The following GATB variants were observed in gnomAD, a reference collection of about 807,000 sequenced individuals.
The protein encoded by GATB is glutamyl-tRNA amidotransferase subunit B.
A neutral mutation model predicts 62.3 loss-of-function variants in GATB; 39 were observed. The ratio of observed to expected loss-of-function variants is 0.63; its 90% CI spans 0.48 to 0.82. The LOEUF is 0.82. Among genes scored for constraint, GATB ranks in the 40% least tolerant of loss-of-function variants. The pLI is 0.00. For synonymous variants in GATB, 276 were observed against 258.9 expected (o/e 1.07, Z -0.63); for missense variants, 670 against 684.0 (o/e 0.98, Z 0.23).
chr4:151,673,594 G>C (rs1205439446), intron 11 of GATB: 1 of 151,958 alleles, frequency 6.6e-6, no homozygotes, highest in Non-Finnish European at 1.5e-5. Context: ...AATCAGACTA[G>C]GATAATGAAC....
In GATB at chr4:151,760,894, G is replaced by T. The variant is rs11556167; in HGVS notation, c.89C>A (p.Ala30Asp). 183,365 of 1,613,696 alleles carry T rather than the reference G, an allele frequency of 0.11. 11,589 individuals carry two copies. The highest frequency in any genetic ancestry group is 0.24 in the African/African-American group (18,156 of 74,988). ...CTGGTTGGATGTGGACCCAGTCGGAGCCCCTCTTCGGTGGCAAGAACCACC... is the reference window on the plus strand; with the variant it reads ...CTGGTTGGATGTGGACCCAGTCGGATCCCCTCTTCGGTGGCAAGAACCACC... ...VDGGSCHRRG[A>D]PTGSTSNQIR... The change falls in exon 1 of 13, where the codon GCT becomes GAT. Residue 30 changes from alanine (A) to aspartate (D), a missense_variant. By Grantham distance (126) the Ala-to-Asp change is moderately radical (BLOSUM62 -2). Coordinates refer to ENST00000263985, the MANE Select transcript of GATB (RefSeq NM_004564.3).
intron 2 of GATB, chr4:151,722,187 G>C (rs1739045292): frequency 1.4e-6 from 1 of 702,030 alleles, no homozygotes; most frequent in Admixed American, 2.0e-5. Context: ...GATACAGAAT[G>C]GGAAAATTCA....
intron 2 of GATB, among the ~76,000 whole-genome samples, chr4:151,744,825 A>G (rs1054377048): frequency 1.3e-5 from 2 of 152,208 alleles, no homozygotes; most frequent in Non-Finnish European, 2.9e-5. Context: ...CATCATTGTC[A>G]TGAGTCACTG....
rs772133016 is a variant in GATB, at chr4:151,688,697, C to G, written c.1264G>C (p.Val422Leu). The G allele has an allele frequency of 1.2e-6, 2 of 1,613,474 alleles. No homozygotes were observed. Among genetic ancestry groups the G allele is most frequent in the African/African-American group, 2.7e-5 (2 of 74,816 alleles). The change falls in exon 10 of 13, where the codon GTG becomes CTG. Residue 422 changes from valine (V) to leucine (L), a missense_variant. By Grantham distance (32) the Val-to-Leu change is conservative. Transcript: ENST00000263985. ...AAAGTGTTGAGGACCCAACTAGTCA[C>G]CTTTTTTGGCTCTGCCCTAGTTTCT... ...IKETRAEPKK[V>L]TSWVLNTFLG...
In GATB at chr4:151,760,956, G is replaced by A. The variant is rs1407897364; in HGVS notation, c.27C>T (p.Gly9=). ...CGAAAGCCCAACGTCTTCCACGGCAGCCCCAGCGCAGCATGGGCGCCGCCA... is the reference window on the plus strand; with the variant it reads ...CGAAAGCCCAACGTCTTCCACGGCAACCCCAGCGCAGCATGGGCGCCGCCA... MAAPMLRW[G]CRGRRWAFAR... The change falls in exon 1 of 13, where the codon GGC becomes GGT. Residue 9 remains glycine (G), a synonymous_variant. Transcript: ENST00000263985. 1 of 1,612,872 alleles carries A rather than the reference G, an allele frequency of 6.2e-7. No individual in the cohort carries two copies. The highest frequency in any genetic ancestry group is 8.5e-7 in the Non-Finnish European group (1 of 1,179,680).
intron 9 of GATB, among the ~76,000 whole-genome samples, chr4:151,700,035 G>T (rs1738567689): frequency 6.6e-6 from 1 of 152,180 alleles, no homozygotes; most frequent in South Asian, 2.1e-4. Flanking sequence ...TTTCAAGTAG[G>T]TTGGAAACTC....
At chr4:151,739,129 T>C (rs1739433430) in intron 2 of GATB, among the ~76,000 whole-genome samples, 1 of 152,264 alleles carries the variant, frequency 6.6e-6, no homozygotes, top group Non-Finnish European at 1.5e-5. Flanking sequence ...TTCTTGCTTC[T>C]ATAATTGTAA....
At chr4:151,742,220 C>G (rs1198357966) in intron 2 of GATB, among the ~76,000 whole-genome samples, 2 of 152,012 alleles carry the variant, frequency 1.3e-5, no homozygotes, top group African/African-American at 4.8e-5. Flanking sequence ...TCCTGAGTAG[C>G]TGGGACTACA....
rs1218787823 is a variant in GATB at position 151,684,885 on chromosome 4, C to T, written c.1331+3745G>A. Among the ~76,000 whole-genome samples the T allele has an allele frequency of 2.6e-5, 4 of 152,194 alleles. No homozygotes were observed. In the East Asian group the frequency reaches 7.7e-4, roughly 29 times the overall value. On this transcript the variant is annotated intron_variant, in intron 10 of 12. Coordinates refer to ENST00000263985, the MANE Select transcript of GATB (RefSeq NM_004564.3). ...AGGTCCACTCAACAGGCTAATTTAT[C>T]TCTCAGCTCCTTTAGAGGCCACCAA... is the stretch of plus-strand genomic sequence containing the variant.
chr4:151,716,873 T>C lies in GATB; in HGVS notation c.640+3A>G. ...AGAAATAATGAAAACACTCCAAGCC[T>C]ACCTGCCCTGTTCAAATCAATGAGC... On this transcript the variant is annotated splice_donor_region_variant and intron_variant, in intron 4 of 12. Transcript: ENST00000263985. 1 of 1,613,908 alleles carries C rather than the reference T, an allele frequency of 6.2e-7. No homozygotes were observed. The highest frequency in any genetic ancestry group is 1.7e-5 in the Admixed American group (1 of 60,020).
At chr4:151,690,622 T>G (rs190507201) in intron 9 of GATB, among the ~76,000 whole-genome samples, 1 of 152,346 alleles carries the variant, frequency 6.6e-6, no homozygotes, top group East Asian at 1.9e-4. Context: ...GTTTTCTAAA[T>G]CCACCTAGAA....
At position 151,716,899 on chromosome 4, in the gene GATB, G is replaced by A. The variant is rs368902882; in HGVS notation, c.617C>T (p.Thr206Met). The change falls in exon 4 of 13, where the codon ACG becomes ATG. Residue 206 changes from threonine (T) to methionine (M), a missense_variant. Thr to Met is a moderately conservative substitution (Grantham distance 81). Coordinates refer to ENST00000263985, the MANE Select transcript of GATB (RefSeq NM_004564.3). ...ACCTGCCCTGTTCAAATCAATGAGC[G>A]TCTGAGACCTCAGGTTGTCGTGGAG... ...KSLHDNLRSQ[T>M]LIDLNRAGVG... 3.8e-5 allele frequency: 61 copies of A among 1,614,088 alleles called. No homozygotes were observed. The highest frequency in any genetic ancestry group is 2.2e-4 in the East Asian group (10 of 44,902).
chr4:151,746,817 G>A (rs1321756924), intron 2 of GATB, among the ~76,000 whole-genome samples: 1 of 152,190 alleles, frequency 6.6e-6, no homozygotes, highest in Non-Finnish European at 1.5e-5. Context: ...GGGAGATGGA[G>A]GCAGGAGGCA....
chr4:151,696,163 TA>T (rs1738466140), intron 9 of GATB, among the ~76,000 whole-genome samples: 1 of 152,140 alleles, frequency 6.6e-6, no homozygotes, highest in Non-Finnish European at 1.5e-5. Flanking sequence ...GAGGACGGCT[TA>T]TATTACTTTT....
intron 11 of GATB, chr4:151,675,482 G>A (rs948708660): frequency 6.6e-6 from 1 of 152,180 alleles, no homozygotes; most frequent in Non-Finnish European, 1.5e-5. Flanking sequence ...AGTCCAGGAG[G>A]GTGGGAGCCA....
intron 8 of GATB, among the ~76,000 whole-genome samples, chr4:151,702,289 T>C (rs979401843): frequency 6.6e-6 from 1 of 151,994 alleles, no homozygotes; most frequent in African/African-American, 2.4e-5. Flanking sequence ...AGGAAAAAAA[T>C]TTACCCTTGA....
Position 151,716,286 on chromosome 4 carries a change from T to G in GATB, c.641-155A>C, listed in dbSNP as rs79438895. On this transcript the variant is annotated intron_variant, in intron 4 of 12. Transcript: ENST00000263985. ...TTCTCTTCCCTCCCACCTTTTTTTT[T>G]TTTTTTTTTTTAAAGAGGCGTCATC... The G allele has an allele frequency of 2.0e-3, 1,697 of 846,166 alleles. 16 individuals carry two copies. In the African/African-American group the frequency reaches 0.025, roughly 12 times the overall value. 52.4% of individuals were successfully genotyped at this position (846,166 alleles called of 1,614,324 possible).
chr4:151,679,652 G>A (rs974411143), intron 11 of GATB, among the ~76,000 whole-genome samples, 161 bp downstream of exon 11: 2 of 152,316 alleles, frequency 1.3e-5, no homozygotes, highest in South Asian at 2.1e-4. Flanking sequence ...GGCTTCATAC[G>A]CTTGCTAAAT....
chr4:151,724,942 C>T (rs565037312), intron 2 of GATB, among the ~76,000 whole-genome samples: 2 of 152,128 alleles, frequency 1.3e-5, no homozygotes, highest in Non-Finnish European at 2.9e-5. Flanking sequence ...TAAGCTGTGA[C>T]ATAAAAGCAA....
Sources: gnomAD v4.1 joint callset for allele counts (sites outside exome capture counted in the v4.1 genomes callset) on GRCh38, gnomAD v4.1.1 for gene constraint, MANE v1.5 for transcripts, NCBI Gene and HGNC (gene_info 2026-07-23, HGNC 2026-07-21) for gene names.